Variants in DACH1 observed in about 807,000 individuals in gnomAD.
DACH1 encodes the protein dachshund homolog 1.
A neutral mutation model predicts 54.2 loss-of-function variants in DACH1; 12 were observed. The observed-to-expected ratio is 0.22, with a 90% CI of 0.14 to 0.36. The LOEUF (loss-of-function observed/expected upper bound fraction) is 0.36. DACH1 is among the 10% of genes least tolerant of loss of function. The pLI, the probability that DACH1 is intolerant of heterozygous loss-of-function variation, is 1.00. For missense variants in DACH1, 805 were observed against 929.8 expected, an observed-to-expected ratio of 0.87 and a Z score of 1.75; for synonymous variants, 386 against 366.2, an observed-to-expected ratio of 1.05 and a Z score of -0.62.
intron 1 of DACH1, among the ~76,000 whole-genome samples, chr13:71,744,866 C>T (rs1440171310): frequency 6.6e-6 from 1 of 152,148 alleles, no homozygotes; most frequent in Admixed American, 6.6e-5. Flanking sequence ...TAACCTTCTA[C>T]CAGTTTTGTC....
chr13:71,479,951 A>C (rs1373835939), intron 7 of DACH1, among the ~76,000 whole-genome samples: 1 of 152,182 alleles, frequency 6.6e-6, no homozygotes, highest in Non-Finnish European at 1.5e-5. Flanking sequence ...GCCATCTCTT[A>C]CTACCCTATC....
At chr13:71,645,590 GGGA>G (rs1248238413) in intron 2 of DACH1, among the ~76,000 whole-genome samples, 4 of 152,110 alleles carry the variant, frequency 2.6e-5, no homozygotes, top group African/African-American at 9.7e-5. Context: ...ACAGTACACA[GGGA>G]GGATAAGAAT....
At chr13:71,527,231 A>G (rs1882039718) in intron 6 of DACH1, among the ~76,000 whole-genome samples, 1 of 151,918 alleles carries the variant, frequency 6.6e-6, no homozygotes, top group African/African-American at 2.4e-5. Flanking sequence ...TTATTCTTGA[A>G]TGCATCACAA....
chr13:71,649,190 T>C (rs1483362637), intron 2 of DACH1, among the ~76,000 whole-genome samples: 1 of 152,156 alleles, frequency 6.6e-6, no homozygotes, highest in Admixed American at 6.6e-5. Context: ...TATAGGTTTG[T>C]AACCTAGAAG....
At chr13:71,761,431 C>G (rs181605522) in intron 1 of DACH1, among the ~76,000 whole-genome samples, 1 of 152,258 alleles carries the variant, frequency 6.6e-6, no homozygotes, top group African/African-American at 2.4e-5. Context: ...AACTTCTTCT[C>G]TTTTCCTCTC....
chr13:71,544,321 A>G (rs563505581), intron 6 of DACH1, among the ~76,000 whole-genome samples: 1 of 152,254 alleles, frequency 6.6e-6, no homozygotes, highest in African/African-American at 2.4e-5. Flanking sequence ...ACTCCTATAT[A>G]TGGGTTTAGT....
intron 1 of DACH1, among the ~76,000 whole-genome samples, chr13:71,713,747 C>T (rs781659828): frequency 1.3e-4 from 19 of 151,894 alleles, no homozygotes; most frequent in Admixed American, 8.5e-4. Context: ...ATTCCCATCT[C>T]GTTCAATAAA....
At chr13:71,738,074 C>T (rs967147719) in intron 1 of DACH1, among the ~76,000 whole-genome samples, 6 of 152,064 alleles carry the variant, frequency 3.9e-5, no homozygotes, top group African/African-American at 9.7e-5. Flanking sequence ...GTCATCTGCA[C>T]GGAAGTAATC....
At chr13:71,842,739 T>A (rs78300593) in intron 1 of DACH1, among the ~76,000 whole-genome samples, 2,281 of 151,962 alleles carry the variant, frequency 0.015, 44 homozygotes, top group African/African-American at 0.052. Flanking sequence ...AAAGAAGATA[T>A]TTAAATACTC....
chr13:71,472,098 G>A (rs995127162), intron 10 of DACH1, among the ~76,000 whole-genome samples: 21 of 152,076 alleles, frequency 1.4e-4, no homozygotes, highest in African/African-American at 5.1e-4. Context: ...GCATAAGAGA[G>A]TTAATGGCCA....
At chr13:71,578,308 C>T (rs1306493297) in intron 3 of DACH1, among the ~76,000 whole-genome samples, 3 of 152,194 alleles carry the variant, frequency 2.0e-5, no homozygotes, top group Middle Eastern at 3.4e-3. Context: ...TTACTCCATA[C>T]CATTGGAGAC....
intron 6 of DACH1, among the ~76,000 whole-genome samples, chr13:71,528,589 G>A (rs1008655813): frequency 1.3e-5 from 2 of 151,732 alleles, no homozygotes; most frequent in Non-Finnish European, 2.9e-5. Context: ...CACCACGCCC[G>A]GCTAATGTTT....
intron 6 of DACH1, among the ~76,000 whole-genome samples, chr13:71,514,217 T>G (rs1880993481): frequency 6.6e-6 from 1 of 151,982 alleles, no homozygotes; most frequent in Non-Finnish European, 1.5e-5. Flanking sequence ...TAGTATAAGC[T>G]AAGAAGTGGC....
At chr13:71,714,656 T>C (rs1421124678) in intron 1 of DACH1, among the ~76,000 whole-genome samples, 2 of 152,068 alleles carry the variant, frequency 1.3e-5, no homozygotes, top group African/African-American at 2.4e-5. Flanking sequence ...ATAGGATTAA[T>C]ATTTTTATCC....
intron 1 of DACH1, among the ~76,000 whole-genome samples, chr13:71,695,806 T>A (rs1185265336): frequency 6.6e-6 from 1 of 152,196 alleles, no homozygotes; most frequent in Non-Finnish European, 1.5e-5. Flanking sequence ...CAGCAAATTG[T>A]GTTTGTTCAG....
intron 1 of DACH1, among the ~76,000 whole-genome samples, chr13:71,741,949 C>T (rs183394765): frequency 3.9e-5 from 6 of 152,142 alleles, no homozygotes; most frequent in Non-Finnish European, 7.4e-5. Flanking sequence ...TCAGCTGTGC[C>T]GCCTCCCAAA....
chr13:71,844,507 C>A (rs145076277), intron 1 of DACH1, among the ~76,000 whole-genome samples: 7 of 152,238 alleles, frequency 4.6e-5, no homozygotes, highest in African/African-American at 1.7e-4. Flanking sequence ...AAATACTATA[C>A]CTCCTCTCCT....
In DACH1 at chr13:71,835,260, G is replaced by C. The variant is rs557435291; in HGVS notation, c.848+30662C>G. On this transcript the variant is annotated intron_variant, in intron 1 of 10. Transcript: ENST00000613252. Reference sequence around the variant, plus strand: ...CTAGAGCTTGCCAAGGCAAATAAAGGCTTGTTTACTGAGATGTATACAAAT... The same window carrying C: ...CTAGAGCTTGCCAAGGCAAATAAAGCCTTGTTTACTGAGATGTATACAAAT... Among the ~76,000 whole-genome samples, 18 of 152,098 alleles carry C rather than the reference G, an allele frequency of 1.2e-4. No individual in the cohort carries two copies. In the South Asian group the frequency reaches 2.9e-3, roughly 25 times the overall value.
chr13:71,577,641 A>C (rs566864002), intron 3 of DACH1, among the ~76,000 whole-genome samples: 1 of 152,304 alleles, frequency 6.6e-6, no homozygotes, highest in South Asian at 2.1e-4. Flanking sequence ...AATTGTATTT[A>C]ATATCCTGTT....
Sources: gnomAD v4.1 joint callset for allele counts (sites outside exome capture counted in the v4.1 genomes callset) on GRCh38, gnomAD v4.1.1 for gene constraint, MANE v1.5 for transcripts, NCBI Gene and HGNC (gene_info 2026-07-23, HGNC 2026-07-21) for gene names.